Variants in ZNF667 observed in about 807,000 individuals in gnomAD.
The protein encoded by ZNF667 is myocardial ischemic preconditioning upregulated 1 ortholog.
In ZNF667, 13 loss-of-function variants were observed where a neutral mutation model predicts 31.8. The ratio of observed to expected loss-of-function variants is 0.41; its 90% CI spans 0.27 to 0.65. The LOEUF (loss-of-function observed/expected upper bound fraction) is 0.65. Among genes scored for constraint, ZNF667 ranks in the 30% least tolerant of loss-of-function variants. The pLI is 0.32. For synonymous variants in ZNF667, 228 were observed against 247.1 expected (o/e 0.92, Z 0.73); for missense variants, 642 against 725.6 (o/e 0.88, Z 1.32).
At chr19:56,463,691 C>A (rs529203017) in intron 3 of ZNF667, among the ~76,000 whole-genome samples, 4 of 152,064 alleles carry the variant, frequency 2.6e-5, no homozygotes, top group Admixed American at 6.5e-5. Context: ...CCACACTCAG[C>A]TAATTTTTGT....
chr19:56,452,468 G>T (rs914643727), intron 6 of ZNF667, among the ~76,000 whole-genome samples: 1 of 152,150 alleles, frequency 6.6e-6, no homozygotes, highest in African/African-American at 2.4e-5. Flanking sequence ...AAGAGAGTTT[G>T]TAACAATAAA....
intron 6 of ZNF667, among the ~76,000 whole-genome samples, chr19:56,446,488 T>C (rs2042712576): frequency 6.6e-6 from 1 of 152,230 alleles, no homozygotes; most frequent in South Asian, 2.1e-4. Context: ...TTTGCAGCTA[T>C]CTCAATGTGT....
intron 6 of ZNF667, among the ~76,000 whole-genome samples, chr19:56,453,644 T>C (rs774902500): frequency 3.9e-5 from 6 of 152,186 alleles, no homozygotes; most frequent in African/African-American, 9.7e-5. Flanking sequence ...CCCTTCATGA[T>C]GCGATCCCTC....
intron 6 of ZNF667, among the ~76,000 whole-genome samples, chr19:56,452,918 CAA>C (rs56144973): frequency 3.2e-5 from 3 of 94,640 alleles, no homozygotes; most frequent in Admixed American, 1.2e-4. Context: ...GACTCTGTCT[CAA>C]AAAAAAAAAA....
At chr19:56,456,399 G>A (rs2042932156) in intron 6 of ZNF667, among the ~76,000 whole-genome samples, 1 of 152,176 alleles carries the variant, frequency 6.6e-6, no homozygotes, top group Non-Finnish European at 1.5e-5. Flanking sequence ...CAGTCACACA[G>A]GCTGCACTTC....
intron 2 of ZNF667, 76 bp from the exon 3 acceptor site, chr19:56,472,263 GA>G (rs1020366671): frequency 6.6e-6 from 1 of 152,210 alleles, no homozygotes; most frequent in Non-Finnish European, 1.5e-5. Context: ...TACTGGCTGT[GA>G]AAAAGTTACA....
chr19:56,460,974 A>C (rs541477221), intron 4 of ZNF667, among the ~76,000 whole-genome samples, 159 bp from the exon 5 acceptor site: 13 of 152,372 alleles, frequency 8.5e-5, no homozygotes, highest in Admixed American at 3.9e-4. Flanking sequence ...TGTATTAAAT[A>C]AGTTAAATAA....
intron 1 of ZNF667, chr19:56,474,729 G>A (rs2043365328): frequency 6.6e-6 from 1 of 152,276 alleles, no homozygotes; most frequent in African/African-American, 2.4e-5. Context: ...GCGTACATTA[G>A]TCTCTTGGGA....
At chr19:56,472,910 G>A (rs962265730) in intron 2 of ZNF667, 7 of 152,168 alleles carry the variant, frequency 4.6e-5, no homozygotes, top group East Asian at 1.9e-4. Context: ...AGAGACCAAC[G>A]AAGACTGAGA....
intron 3 of ZNF667, chr19:56,470,105 T>C (rs1369508022): frequency 6.7e-6 from 3 of 446,848 alleles, no homozygotes; most frequent in African/African-American, 4.0e-5. Context: ...GCTGGGTCTT[T>C]ACCTCCCTCC....
At chr19:56,463,524 T>C (rs1362901430) in intron 3 of ZNF667, among the ~76,000 whole-genome samples, 1 of 152,158 alleles carries the variant, frequency 6.6e-6, no homozygotes, top group Non-Finnish European at 1.5e-5. Context: ...GGAACTCATT[T>C]TCTTCCCTTT....
chr19:56,470,280 G>T (rs926338393), intron 3 of ZNF667, among the ~76,000 whole-genome samples: 6 of 152,228 alleles, frequency 3.9e-5, no homozygotes, highest in Non-Finnish European at 8.8e-5. Context: ...AGGTCGCATT[G>T]ACCGTCCTTA....
chr19:56,455,167 G>T (rs1189977904), intron 6 of ZNF667, among the ~76,000 whole-genome samples: 1 of 152,036 alleles, frequency 6.6e-6, no homozygotes, highest in African/African-American at 2.4e-5. Flanking sequence ...CCCAAAGCAG[G>T]CAAAACAAAT....
intron 3 of ZNF667, among the ~76,000 whole-genome samples, chr19:56,470,244 G>C (rs1010734593): frequency 6.6e-6 from 1 of 152,224 alleles, no homozygotes; most frequent in African/African-American, 2.4e-5. Flanking sequence ...GGTGGGGCCA[G>C]TTCTGTGGGA....
In ZNF667 at chr19:56,441,975, A is replaced by G; in HGVS notation, c.1020T>C (p.Asn340=). The G allele has an allele frequency of 4.3e-6, 7 of 1,613,996 alleles. No homozygotes were observed. The highest frequency in any genetic ancestry group is 5.1e-6 in the Non-Finnish European group (6 of 1,179,946). The part of the protein sequence containing the change: ...FKCRKCGKLF[N]RISPLMLHQR... Reference sequence around the variant, plus strand: ...GGTGAAGCATCAGGGGTGAAATCCTATTAAATAATTTCCCACATTTTCTGC... The same window carrying G: ...GGTGAAGCATCAGGGGTGAAATCCTGTTAAATAATTTCCCACATTTTCTGC... Residue 340 remains asparagine, a synonymous_variant, in exon 7 of 7, where the codon AAT becomes AAC. Transcript: ENST00000504904. This position sits in a 1 kb window ranked among gnomAD's most constrained non-coding sequence, Gnocchi z 4.2.
intron 6 of ZNF667, among the ~76,000 whole-genome samples, chr19:56,443,440 C>A (rs78558278): frequency 0.035 from 5,387 of 152,130 alleles, 207 homozygotes; most frequent in African/African-American, 0.096. Context: ...TTTACATAAA[C>A]CTAGATAGTA....
At chr19:56,463,485 A>G (rs971986329) in intron 3 of ZNF667, among the ~76,000 whole-genome samples, 1 of 152,142 alleles carries the variant, frequency 6.6e-6, no homozygotes, top group Non-Finnish European at 1.5e-5. Context: ...ATGAAAACTG[A>G]GCACGGGAAA....
chr19:56,440,961 A>C lies in ZNF667; in HGVS notation c.*201T>G. 2.1e-6 allele frequency: 3 copies of C among 1,406,356 alleles called. No homozygotes were observed. The highest frequency in any genetic ancestry group is 1.8e-6 in the Non-Finnish European group (2 of 1,084,694). 87.1% of individuals were successfully genotyped at this position (1,406,356 alleles called of 1,614,324 possible). A position where few individuals can be genotyped will look rare whatever the true frequency, so the allele number is the denominator to read the frequency against. Reference sequence around the variant, plus strand: ...AAATGAAAAATGATCTTCATTCACAATGACTGACCAAACTTCTGAGTTTCC... The same window carrying C: ...AAATGAAAAATGATCTTCATTCACACTGACTGACCAAACTTCTGAGTTTCC... On this transcript the variant is annotated 3_prime_UTR_variant, in exon 7 of 7. Coordinates refer to ENST00000504904, the MANE Select transcript of ZNF667 (RefSeq NM_001321356.2).
intron 3 of ZNF667, among the ~76,000 whole-genome samples, chr19:56,466,586 ACT>A (rs1004998040): frequency 2.0e-5 from 3 of 152,166 alleles, no homozygotes; most frequent in African/African-American, 2.4e-5. Context: ...GACTAGAGTG[ACT>A]CTGTCTTAAA....
Sources: gnomAD v4.1 joint callset for allele counts (sites outside exome capture counted in the v4.1 genomes callset) on GRCh38, gnomAD v4.1.1 for gene constraint, Gnocchi (gnomAD v3.1) non-coding constraint, MANE v1.5 for transcripts, NCBI Gene and HGNC (gene_info 2026-07-23, HGNC 2026-07-21) for gene names.